Variants in CHST8 observed in about 807,000 individuals in gnomAD.
CHST8 encodes the protein GALNAC-4-ST1.
CHST8 carries 10 observed loss-of-function variants against 15.0 expected under a neutral mutation model. The ratio of observed to expected loss-of-function variants is 0.67; its 90% CI spans 0.41 to 1.13. CHST8 has a LOEUF of 1.13. CHST8 is among the 50% of genes most tolerant of loss of function. CHST8 has a pLI of 0.00. For synonymous variants in CHST8, 259 were observed against 256.6 expected (o/e 1.01, Z -0.09); for missense variants, 634 against 608.2 (o/e 1.04, Z -0.45).
chr19:33,758,291 C>G (rs1974646240), intron 3 of CHST8, among the ~76,000 whole-genome samples: 1 of 152,192 alleles, frequency 6.6e-6, no homozygotes, highest in South Asian at 2.1e-4. Context: ...GGCCGTCACC[C>G]AGACTCCGGG....
At chr19:33,749,456 C>T (rs2145353976) in intron 3 of CHST8, among the ~76,000 whole-genome samples, 1 of 132,612 alleles carries the variant, frequency 7.5e-6, no homozygotes, top group African/African-American at 2.8e-5. Flanking sequence ...TCCCCACCAT[C>T]CCCCCACCAA....
chr19:33,695,042 AC>A (rs2145267290), intron 3 of CHST8, among the ~76,000 whole-genome samples: 1 of 149,500 alleles, frequency 6.7e-6, no homozygotes, highest in Admixed American at 6.8e-5. Flanking sequence ...TGCAGCTTTG[AC>A]CTCCTGGGCT....
Position 33,677,797 on chromosome 19 carries a change from G to A in CHST8, c.-87+9954G>A, listed in dbSNP as rs1972829210. 2.6e-5 allele frequency among the ~76,000 whole-genome samples: 4 copies of A among 152,238 alleles called. No individual in the cohort carries two copies. The South Asian group carries it at 6.2e-4, about 24-fold the overall frequency. Reference sequence around the variant, plus strand: ...CGTTAGTCTCTGGAACACACAGGAGGGTGCCTCACTTGGCCTGGGGGCCAT... The same window carrying A: ...CGTTAGTCTCTGGAACACACAGGAGAGTGCCTCACTTGGCCTGGGGGCCAT... On this transcript the variant is annotated intron_variant, in intron 2 of 4. Transcript: ENST00000650847.
chr19:33,738,738 C>A (rs949047831), intron 3 of CHST8, among the ~76,000 whole-genome samples: 3 of 152,122 alleles, frequency 2.0e-5, no homozygotes, highest in Non-Finnish European at 4.4e-5. Context: ...TACAGGCACA[C>A]ACCAGCATGC....
chr19:33,682,857 G>T (rs562382979), intron 2 of CHST8, among the ~76,000 whole-genome samples: 1 of 152,304 alleles, frequency 6.6e-6, no homozygotes, highest in African/African-American at 2.4e-5. Flanking sequence ...AATACTTGAG[G>T]TTGAGTAATT....
chr19:33,767,569 C>T (rs1329946896), intron 3 of CHST8, among the ~76,000 whole-genome samples: 1 of 152,236 alleles, frequency 6.6e-6, no homozygotes, highest in Non-Finnish European at 1.5e-5. Context: ...TGTTTATTCT[C>T]ACCGATGCTC....
intron 1 of CHST8, among the ~76,000 whole-genome samples, chr19:33,627,091 CT>C (rs140038966): frequency 3.9e-5 from 4 of 103,592 alleles, no homozygotes; most frequent in African/African-American, 1.1e-4. Context: ...TGCCTGTCCT[CT>C]TTTTTTGGGG....
In CHST8 at chr19:33,717,807, A is replaced by G. The variant is rs146241132; in HGVS notation, c.130+28416A>G. On this transcript the variant is annotated intron_variant, in intron 3 of 4. Coordinates refer to ENST00000650847, the MANE Select transcript of CHST8 (RefSeq NM_001127895.2). Reference sequence around the variant, plus strand: ...CACACCCTGTTTTTCAGGGTGTCATATGAAACTACTGCCTGGAATTTTTAT... The same window carrying G: ...CACACCCTGTTTTTCAGGGTGTCATGTGAAACTACTGCCTGGAATTTTTAT... 8.7e-4 allele frequency among the ~76,000 whole-genome samples: 133 copies of G among 152,254 alleles called. 1 individual carries two copies. The East Asian group carries it at 0.025, about 29-fold the overall frequency.
chr19:33,689,370 C>T lies in CHST8; in HGVS notation c.109C>T (p.Leu37Phe). The T allele has an allele frequency of 6.2e-7, 1 of 1,601,742 alleles. No homozygotes were observed. Among genetic ancestry groups the T allele is most frequent in the Admixed American group, 1.7e-5 (1 of 58,754 alleles). The change falls in exon 3 of 5, where the codon CTC becomes TTC. Residue 37 changes from leucine to phenylalanine, a missense_variant. Leu to Phe is a conservative substitution (Grantham distance 22, BLOSUM62 0). Transcript: ENST00000650847. ...LFISLQDPTELAPQQVPGIKF... is the reference protein window; with the variant it reads ...LFISLQDPTEFAPQQVPGIKF... Reference sequence around the variant, plus strand: ...CATCAGCCTGCAGGACCCTACGGAGCTCGCCCCCCAGCAGGTGCCAGGTGA... The same window carrying T: ...CATCAGCCTGCAGGACCCTACGGAGTTCGCCCCCCAGCAGGTGCCAGGTGA...
rs377321827 is a variant in CHST8, at chr19:33,709,413, A to T, written c.130+20022A>T. 3.9e-4 allele frequency among the ~76,000 whole-genome samples: 60 copies of T among 152,342 alleles called. 1 individual carries two copies. The highest frequency in any genetic ancestry group is 1.3e-3 in the African/African-American group (53 of 41,580). Reference sequence around the variant, plus strand: ...GTCTTCTATTACTAGTTTATTAGAAAAAAAAATTTAACCATGAATAGGTGT... The same window carrying T: ...GTCTTCTATTACTAGTTTATTAGAATAAAAAATTTAACCATGAATAGGTGT... On this transcript the variant is annotated intron_variant, in intron 3 of 4. Coordinates refer to ENST00000650847, the MANE Select transcript of CHST8 (RefSeq NM_001127895.2).
chr19:33,678,841 C>G (rs543427819), intron 2 of CHST8, among the ~76,000 whole-genome samples: 1 of 152,346 alleles, frequency 6.6e-6, no homozygotes, highest in South Asian at 2.1e-4. Context: ...ACCCACAGAG[C>G]ACAACCACTG....
chr19:33,711,658 C>A (rs929375208), intron 3 of CHST8, among the ~76,000 whole-genome samples: 1 of 152,010 alleles, frequency 6.6e-6, no homozygotes, highest in African/African-American at 2.4e-5. Context: ...TTTGGTGAGA[C>A]AGAATCTTTG....
At chr19:33,688,429 C>T (rs779759764) in intron 2 of CHST8, among the ~76,000 whole-genome samples, 3 of 152,198 alleles carry the variant, frequency 2.0e-5, no homozygotes, top group Admixed American at 1.3e-4. Context: ...CCAGCCTCTG[C>T]GCCTCTGAGC....
chr19:33,758,013 C>T (rs1974637666), intron 3 of CHST8, among the ~76,000 whole-genome samples: 1 of 152,166 alleles, frequency 6.6e-6, no homozygotes, highest in Non-Finnish European at 1.5e-5. Context: ...CTGCAGCTAT[C>T]CAGACCCTCG....
intron 2 of CHST8, among the ~76,000 whole-genome samples, chr19:33,673,234 CCTT>C (rs1278927424): frequency 6.6e-6 from 1 of 152,172 alleles, no homozygotes; most frequent in African/African-American, 2.4e-5. Context: ...GAGCATGACT[CCTT>C]CTGAGGAGTC....
chr19:33,723,996 G>A (rs1323647368), intron 3 of CHST8, among the ~76,000 whole-genome samples: 2 of 152,186 alleles, frequency 1.3e-5, no homozygotes, highest in Admixed American at 1.3e-4. Flanking sequence ...TGTGAAGGGG[G>A]AGGTTAGGTG....
intron 3 of CHST8, among the ~76,000 whole-genome samples, chr19:33,759,225 G>A (rs1974667567): frequency 6.6e-6 from 1 of 152,178 alleles, no homozygotes; most frequent in Admixed American, 6.5e-5. Context: ...CCTTTATGGG[G>A]CCACCCCAGC....
At chr19:33,684,269 G>C (rs1335520536) in intron 2 of CHST8, among the ~76,000 whole-genome samples, 4 of 152,210 alleles carry the variant, frequency 2.6e-5, no homozygotes. Context: ...GGCTGGGGGG[G>C]AGTGGAGAGA....
intron 1 of CHST8, among the ~76,000 whole-genome samples, chr19:33,630,171 C>T (rs144351344): frequency 7.9e-5 from 12 of 152,346 alleles, no homozygotes; most frequent in South Asian, 2.1e-4. Context: ...CATCCAGGCA[C>T]CCAGCAAACA....
Sources: allele counts gnomAD v4.1 joint callset (sites outside exome capture counted in the v4.1 genomes callset), GRCh38; gene constraint gnomAD v4.1.1; transcripts MANE v1.5; gene names NCBI Gene and HGNC (gene_info 2026-07-23, HGNC 2026-07-21).